The following KLHL13 variants were observed in gnomAD, a reference collection of about 807,000 sequenced individuals.
KLHL13 encodes kelch like family member 13, also known as kelch-like protein 13.
KLHL13 carries 10 observed loss-of-function variants against 37.1 expected under a neutral mutation model. The observed-to-expected ratio is 0.27, with a 90% CI of 0.17 to 0.46. KLHL13 has a LOEUF of 0.46. Among genes scored for constraint, KLHL13 ranks in the 20% least tolerant of loss-of-function variants. KLHL13 has a pLI of 1.00. For synonymous variants in KLHL13, 163 were observed against 181.2 expected (o/e 0.90, Z 0.81); for missense variants, 360 against 509.3 (o/e 0.71, Z 2.82).
rs73637169 is a variant in KLHL13 at position 118,013,573 on chromosome X, C to G, written c.-55-67998G>C. Among the ~76,000 whole-genome samples the G allele has an allele frequency of 5.9e-3, 658 of 111,130 alleles. 7 individuals carry two copies. The highest frequency in any genetic ancestry group is 0.021 in the African/African-American group (631 of 30,615). ...GAGGAAAGATATAAATTACGTTGGT[C>G]GAGGAAACTAAAGGAAACTAAACCA... On this transcript the variant is annotated intron_variant, in intron 1 of 6. Transcript: ENST00000371882.
intron 1 of KLHL13, among the ~76,000 whole-genome samples, chrX:118,060,678 C>T (rs149608344): frequency 3.1e-3 from 340 of 111,046 alleles, no homozygotes; most frequent in Non-Finnish European, 5.5e-3. Context: ...TGCTAAGTGG[C>T]TGAGTCAGAA....
chrX:118,114,939 T>C lies in KLHL13; in HGVS notation c.-56+1569A>G, dbSNP rs532724675. 6.5e-3 allele frequency among the ~76,000 whole-genome samples: 733 copies of C among 112,056 alleles called. 4 individuals carry two copies. Among genetic ancestry groups the C allele is most frequent in the Admixed American group, 0.012 (124 of 10,543 alleles). On this transcript the variant is annotated intron_variant, in intron 1 of 6. Transcript: ENST00000371882. ...GATGTTGCAGCAGAAACTACTCTCA[T>C]CTCACTGCCATAAGACGTGCTACCA...
At chrX:118,071,202 T>G (rs991370645) in intron 1 of KLHL13, among the ~76,000 whole-genome samples, 1 of 111,813 alleles carries the variant, frequency 8.9e-6, no homozygotes, top group African/African-American at 3.3e-5. Flanking sequence ...TTGTGAATAA[T>G]GCCGCAATAA....
At chrX:117,908,066 A>ATTATTTATTTAT (rs78358758) in intron 5 of KLHL13, among the ~76,000 whole-genome samples, 8 of 99,211 alleles carry the variant, frequency 8.1e-5, no homozygotes, top group Admixed American at 1.1e-4. Flanking sequence ...CTACAAGGAC[A>ATTATTTATTTAT]TTATTTATTT....
chrX:117,975,039 C>T (rs2053580575), upstream of KLHL13, among the ~76,000 whole-genome samples: 1 of 111,098 alleles, frequency 9.0e-6, no homozygotes, highest in African/African-American at 3.3e-5. Context: ...TTTAACCTGC[C>T]ATTAATACAC....
intron 1 of KLHL13, among the ~76,000 whole-genome samples, chrX:118,013,029 CTTTA>C (rs1333036267): frequency 8.9e-6 from 1 of 111,946 alleles, no homozygotes; most frequent in African/African-American, 3.2e-5. Flanking sequence ...TGGTTAATTC[CTTTA>C]TTCATTCATT....
chrX:117,991,608 C>G (rs897433932), intron 1 of KLHL13, among the ~76,000 whole-genome samples: 22 of 110,947 alleles, frequency 2.0e-4, no homozygotes, highest in Admixed American at 9.6e-5. Context: ...CCCTATTTCC[C>G]ATTACAGGTA....
In KLHL13 at chrX:118,085,710, T is replaced by C. The variant is rs6646072; in HGVS notation, c.-56+30798A>G. Among the ~76,000 whole-genome samples the C allele has an allele frequency of 9.0e-3, 987 of 110,027 alleles. 11 individuals are homozygous for C. The highest frequency in any genetic ancestry group is 0.029 in the African/African-American group (874 of 30,334). The stretch of plus-strand genomic sequence containing the variant: ...ATTTGCTTTTCCATTCCTGAGTTAC[T>C]TCACTCAGGATAATGGCCTCCAGTT... On this transcript the variant is annotated intron_variant, in intron 1 of 6. Coordinates refer to the KLHL13 transcript ENST00000371882.
chrX:118,043,829 G>C (rs2054530340), intron 1 of KLHL13, among the ~76,000 whole-genome samples: 1 of 111,709 alleles, frequency 9.0e-6, no homozygotes, highest in African/African-American at 3.2e-5. Flanking sequence ...CTAAGATCTG[G>C]AACAAAATAT....
intron 1 of KLHL13, among the ~76,000 whole-genome samples, chrX:118,061,844 CTTAAA>C (rs1485147627): frequency 4.5e-5 from 5 of 111,086 alleles, no homozygotes; most frequent in Admixed American, 9.6e-5. Context: ...ATAAAAATTA[CTTAAA>C]TTAATGTTTC....
chrX:117,998,011 C>T (rs1015020457), intron 1 of KLHL13, among the ~76,000 whole-genome samples: 1 of 111,321 alleles, frequency 9.0e-6, no homozygotes, highest in African/African-American at 3.3e-5. Flanking sequence ...ATCGCTGCCT[C>T]ACCAAGACAG....
intron 1 of KLHL13, among the ~76,000 whole-genome samples, chrX:118,092,854 C>A (rs2055153192): frequency 8.9e-6 from 1 of 111,810 alleles, no homozygotes; most frequent in African/African-American, 3.2e-5. Context: ...TTTGGGGAAA[C>A]TGGGTGACAG....
chrX:118,115,948 T>TAAAC (rs767804027), intron 1 of KLHL13, among the ~76,000 whole-genome samples: 2 of 112,048 alleles, frequency 1.8e-5, no homozygotes, highest in Admixed American at 9.5e-5. Context: ...CAACTGTAAT[T>TAAAC]AAACAAACAA....
At chrX:117,905,520 C>T (rs1394115862) in intron 5 of KLHL13, among the ~76,000 whole-genome samples, 1 of 112,168 alleles carries the variant, frequency 8.9e-6, no homozygotes, top group Non-Finnish European at 1.9e-5. Flanking sequence ...CACACACACA[C>T]ACACACACAC....
At chrX:118,096,788 A>G (rs1338430725) in intron 1 of KLHL13, among the ~76,000 whole-genome samples, 5 of 112,048 alleles carry the variant, frequency 4.5e-5, no homozygotes, top group African/African-American at 1.3e-4. Context: ...GCAAATCAAT[A>G]AACGTAATCC....
intron 1 of KLHL13, among the ~76,000 whole-genome samples, chrX:118,070,231 C>CAG (rs1321532654): frequency 1.8e-5 from 2 of 112,169 alleles, no homozygotes; most frequent in Admixed American, 1.9e-4. Context: ...GTGATGAAGG[C>CAG]TGTGTAAGCA....
intron 1 of KLHL13, among the ~76,000 whole-genome samples, chrX:118,035,962 G>C (rs1234757441): frequency 1.0e-5 from 1 of 100,427 alleles, no homozygotes; most frequent in Non-Finnish European, 1.9e-5. Context: ...GACAAACAGA[G>C]AGCCAAATCA....
chrX:118,027,132 C>T (rs2080139), intron 1 of KLHL13, among the ~76,000 whole-genome samples: 1,509 of 111,695 alleles, frequency 0.014, 19 homozygotes, highest in Non-Finnish European at 0.021. Context: ...AGGACTATAT[C>T]ATCTGTTTAT....
intron 2 of KLHL13, among the ~76,000 whole-genome samples, chrX:117,943,330 C>A (rs1243733160): frequency 1.8e-5 from 2 of 110,792 alleles, no homozygotes; most frequent in African/African-American, 6.6e-5. Context: ...TGAGGAGTAT[C>A]TTTGTGGCAT....
Sources: gnomAD v4.1 joint callset for allele counts (sites outside exome capture counted in the v4.1 genomes callset) on GRCh38, gnomAD v4.1.1 for gene constraint, MANE v1.5 for transcripts, NCBI Gene and HGNC (gene_info 2026-07-23, HGNC 2026-07-21) for gene names.